ZNF420: variants seen among roughly 807,000 people sequenced by gnomAD.
The protein encoded by ZNF420 is zinc finger protein 420, also known as ATM and p53-associated KZNF protein.
ZNF420 carries 31 observed loss-of-function variants against 44.7 expected under a neutral mutation model. That is an observed-to-expected ratio of 0.69 (90% CI 0.52 to 0.94). ZNF420 has a LOEUF of 0.94. Among genes scored for constraint, ZNF420 ranks in the 40% least tolerant of loss-of-function variants. ZNF420 has a pLI of 0.00. For missense variants in ZNF420, 681 were observed against 827.9 expected, an observed-to-expected ratio of 0.82 and a Z score of 2.18; for synonymous variants, 245 against 267.4, an observed-to-expected ratio of 0.92 and a Z score of 0.82.
intron 1 of ZNF420, among the ~76,000 whole-genome samples, chr19:37,050,439 G>A (rs1415388630): frequency 1.3e-5 from 2 of 152,146 alleles, no homozygotes; most frequent in African/African-American, 4.8e-5. Context: ...CATGTCCCTT[G>A]TAAGTTGGAT....
intron 1 of ZNF420, among the ~76,000 whole-genome samples, chr19:37,022,847 G>GGGGCA (rs2074659646): frequency 6.6e-6 from 1 of 152,090 alleles, no homozygotes; most frequent in Non-Finnish European, 1.5e-5. Context: ...ATTAAGATAT[G>GGGGCA]TAGCATGGGG....
chr19:37,034,824 A>C (rs1367470402), intron 1 of ZNF420, among the ~76,000 whole-genome samples: 1 of 152,200 alleles, frequency 6.6e-6, no homozygotes, highest in Non-Finnish European at 1.5e-5. Flanking sequence ...TGCAAGACAC[A>C]CAAGTGTTCT....
chr19:37,129,251 G>T lies in ZNF420; in HGVS notation c.*193G>T, dbSNP rs950389832. 1.2e-5 allele frequency: 8 copies of T among 654,336 alleles called. No individual in the cohort carries two copies. The highest frequency in any genetic ancestry group is 4.2e-4 in the Middle Eastern group (1 of 2,362). 40.5% of individuals were successfully genotyped at this position (654,336 alleles called of 1,614,324 possible). A position where few individuals can be genotyped will look rare whatever the true frequency, so the allele number is the denominator to read the frequency against. On this transcript the variant is annotated 3_prime_UTR_variant, in exon 5 of 5. Coordinates refer to ENST00000337995, the MANE Select transcript of ZNF420 (RefSeq NM_144689.5). ...GAAACCTATTAAACATTAGCAAATT[G>T]GAGAATAGTTTTAATATAGTAAATG...
intron 1 of ZNF420, among the ~76,000 whole-genome samples, chr19:37,020,876 G>A (rs916702276): frequency 3.9e-5 from 6 of 152,176 alleles, no homozygotes; most frequent in Admixed American, 3.9e-4. Flanking sequence ...TGGTTGGCAG[G>A]GGTTGGGGGA....
At chr19:37,105,717 G>A (rs775567645) in intron 4 of ZNF420, among the ~76,000 whole-genome samples, 3 of 152,178 alleles carry the variant, frequency 2.0e-5, no homozygotes, top group Non-Finnish European at 4.4e-5. Flanking sequence ...TCACTGAGCA[G>A]TGGTTTGTAG....
upstream of ZNF420, among the ~76,000 whole-genome samples, chr19:37,077,359 G>A (rs117755600): frequency 2.1e-3 from 317 of 152,232 alleles, 1 homozygote; most frequent in Non-Finnish European, 2.8e-3. Context: ...CCTCTCAACC[G>A]TACCCAGTAA....
intron 2 of ZNF420, among the ~76,000 whole-genome samples, chr19:37,087,866 A>C (rs917212905): frequency 7.9e-5 from 12 of 152,112 alleles, no homozygotes; most frequent in Non-Finnish European, 1.6e-4. Flanking sequence ...AGGATGGTCT[A>C]GATCTCCTGA....
chr19:37,083,289 T>C (rs566294842), intron 2 of ZNF420, among the ~76,000 whole-genome samples: 23 of 152,284 alleles, frequency 1.5e-4, no homozygotes, highest in African/African-American at 5.1e-4. Flanking sequence ...CTGACATCTT[T>C]ATGTGAATAT....
intron 1 of ZNF420, among the ~76,000 whole-genome samples, chr19:37,052,445 T>G (rs1366545723): frequency 6.6e-6 from 1 of 152,208 alleles, no homozygotes; most frequent in Non-Finnish European, 1.5e-5. Flanking sequence ...TGATGCAGTC[T>G]CTTCCTAGCC....
At chr19:37,025,982 T>C (rs1882220753) in intron 1 of ZNF420, among the ~76,000 whole-genome samples, 1 of 151,956 alleles carries the variant, frequency 6.6e-6, no homozygotes, top group South Asian at 2.1e-4. Context: ...CTTGATACTA[T>C]TTACCCATCG....
chr19:37,074,597 C>T (rs1047056305), upstream of ZNF420, among the ~76,000 whole-genome samples: 1 of 152,078 alleles, frequency 6.6e-6, no homozygotes, highest in African/African-American at 2.4e-5. Context: ...TTGGGAAACA[C>T]TAGGGCAATT....
intron 1 of ZNF420, among the ~76,000 whole-genome samples, chr19:37,018,430 A>G (rs942695424): frequency 2.6e-5 from 4 of 152,232 alleles, no homozygotes; most frequent in South Asian, 4.1e-4. Flanking sequence ...AAAGAGTCCA[A>G]TATTAATCAA....
intron 4 of ZNF420, among the ~76,000 whole-genome samples, chr19:37,113,334 A>G (rs919995920): frequency 6.6e-6 from 1 of 152,046 alleles, no homozygotes; most frequent in Non-Finnish European, 1.5e-5. Context: ...TTTTCCCCTA[A>G]ATGTTCTAAC....
intron 1 of ZNF420, among the ~76,000 whole-genome samples, chr19:37,028,141 T>C (rs1967187698): frequency 6.6e-6 from 1 of 152,200 alleles, no homozygotes; most frequent in South Asian, 2.1e-4. Flanking sequence ...TAGTGGTATC[T>C]CATCTTTGTT....
chr19:37,114,339 T>C (rs974156887), intron 4 of ZNF420, among the ~76,000 whole-genome samples: 4 of 152,200 alleles, frequency 2.6e-5, no homozygotes, highest in Admixed American at 1.3e-4. Flanking sequence ...GCGGCCAGTA[T>C]TGATAGGTTA....
chr19:37,089,464 G>A (rs1182803832), intron 3 of ZNF420, among the ~76,000 whole-genome samples: 1 of 152,126 alleles, frequency 6.6e-6, no homozygotes, highest in Non-Finnish European at 1.5e-5. Context: ...TTAGATCTAA[G>A]TTCCCAGGTA....
intron 4 of ZNF420, among the ~76,000 whole-genome samples, chr19:37,098,109 G>A (rs1242646328): frequency 2.6e-5 from 4 of 151,990 alleles, no homozygotes; most frequent in Non-Finnish European, 5.9e-5. Flanking sequence ...GTGCCACCAT[G>A]CCTGGCTAAT....
intron 1 of ZNF420, among the ~76,000 whole-genome samples, chr19:37,079,272 T>C (rs1239208536): frequency 1.3e-5 from 2 of 152,220 alleles, no homozygotes; most frequent in South Asian, 2.1e-4. Context: ...AATGTGATTA[T>C]GTGTGACTTT....
At chr19:37,051,558 T>C (rs529761267) in intron 1 of ZNF420, among the ~76,000 whole-genome samples, 3 of 152,356 alleles carry the variant, frequency 2.0e-5, no homozygotes, top group Middle Eastern at 3.4e-3. Context: ...GTGGGATCGG[T>C]GGTGACATCC....
Sources: allele counts gnomAD v4.1 joint callset (sites outside exome capture counted in the v4.1 genomes callset), GRCh38; gene constraint gnomAD v4.1.1; transcripts MANE v1.5; gene names NCBI Gene and HGNC (gene_info 2026-07-23, HGNC 2026-07-21).